Variants in ASCC3 observed in about 807,000 individuals in gnomAD.
ASCC3 encodes the protein activating signal cointegrator 1 complex subunit 3.
A neutral mutation model predicts 256.3 loss-of-function variants in ASCC3; 158 were observed. The ratio of observed to expected loss-of-function variants is 0.62; its 90% CI spans 0.54 to 0.70. ASCC3 has a LOEUF of 0.70. Ranked by LOEUF, ASCC3 falls within the 30% of genes least tolerant of loss-of-function variation. ASCC3 has a pLI of 0.00. For missense variants in ASCC3, 2,259 were observed against 2,626.0 expected (o/e 0.86, Z 3.05); for synonymous variants, 948 against 883.4 (o/e 1.07, Z -1.30).
intron 37 of ASCC3, among the ~76,000 whole-genome samples, chr6:100,528,643 G>GA (rs956668937): frequency 3.3e-5 from 5 of 150,260 alleles, no homozygotes; most frequent in South Asian, 4.2e-4. Context: ...TTCACTAAAA[G>GA]AAAAAAAAAT....
chr6:100,638,879 T>G, intron 24 of ASCC3, 58 bp from the exon 25 acceptor site: 4 of 1,300,412 alleles, frequency 3.1e-6, no homozygotes, highest in Non-Finnish European at 4.5e-6. Flanking sequence ...TAATACTGAA[T>G]ACTGTATTAT....
At chr6:100,692,246 A>G (rs1226011331) in intron 13 of ASCC3, among the ~76,000 whole-genome samples, 3 of 152,002 alleles carry the variant, frequency 2.0e-5, no homozygotes, top group East Asian at 3.9e-4. Context: ...CCAGTTCTCA[A>G]TGCTGTTTTT....
intron 36 of ASCC3, among the ~76,000 whole-genome samples, chr6:100,564,253 G>A (rs1003792933): frequency 6.6e-6 from 1 of 151,490 alleles, no homozygotes; most frequent in Non-Finnish European, 1.5e-5. Context: ...TGAAATATAC[G>A]ATAAATTCTT....
At chr6:100,532,200 A>G (rs1444353701) in intron 37 of ASCC3, among the ~76,000 whole-genome samples, 1 of 151,050 alleles carries the variant, frequency 6.6e-6, no homozygotes, top group Admixed American at 6.6e-5. Context: ...GTGGTTGCCA[A>G]ATATTTACTT....
chr6:100,540,030 G>T, intron 37 of ASCC3, 133 bp downstream of exon 37: 2 of 818,720 alleles, frequency 2.4e-6, no homozygotes, highest in Non-Finnish European at 2.0e-6. Context: ...TTCTTGATAT[G>T]ATCAACCAGT....
At chr6:100,544,876 C>A (rs1342355670) in intron 36 of ASCC3, among the ~76,000 whole-genome samples, 5 of 152,088 alleles carry the variant, frequency 3.3e-5, no homozygotes, top group African/African-American at 4.8e-5. Flanking sequence ...AAGAAAACCA[C>A]AAAATATCTC....
intron 16 of ASCC3, among the ~76,000 whole-genome samples, chr6:100,657,022 TTAATTA>T (rs1357431854): frequency 4.6e-5 from 7 of 151,316 alleles, no homozygotes; most frequent in African/African-American, 1.4e-4. Flanking sequence ...CATTATAATT[TTAATTA>T]TAATTCTGTA....
chr6:100,554,997 TATATC>T (rs1355814761), intron 36 of ASCC3, among the ~76,000 whole-genome samples: 3 of 151,976 alleles, frequency 2.0e-5, no homozygotes, highest in Non-Finnish European at 4.4e-5. Context: ...TTATAAATCA[TATATC>T]ATACCAAACA....
chr6:100,509,526 A>T lies in ASCC3; in HGVS notation c.6469T>A (p.Tyr2157Asn). The T allele has an allele frequency of 6.2e-7, 1 of 1,611,548 alleles. No homozygotes were observed. The highest frequency in any genetic ancestry group is 8.5e-7 in the Non-Finnish European group (1 of 1,177,732). ...YTPEIPGRYI[Y>N]TLYFMSDCYL... Reference sequence around the variant, plus strand: ...CAGTCACTCATGAAATATAATGTGTAGATATACCTAAAATATAAAAATAGA... The same window carrying T: ...CAGTCACTCATGAAATATAATGTGTTGATATACCTAAAATATAAAAATAGA... The change falls in exon 42 of 42, where the codon TAC becomes AAC. Residue 2157 changes from tyrosine to asparagine, a missense_variant. This residue lies in a region of ASCC3 where 1,839 missense variants were observed against 2,206.7 expected (regional missense o/e 0.83). Coordinates refer to ENST00000369162, the MANE Select transcript of ASCC3 (RefSeq NM_006828.4).
intron 37 of ASCC3, among the ~76,000 whole-genome samples, chr6:100,537,134 A>G (rs1775200323): frequency 6.6e-6 from 1 of 152,212 alleles, no homozygotes; most frequent in African/African-American, 2.4e-5. Context: ...ATTACAAAAG[A>G]AAAAGTAACT....
chr6:100,725,224 C>T (rs371188867), intron 11 of ASCC3, among the ~76,000 whole-genome samples: 22 of 151,796 alleles, frequency 1.4e-4, no homozygotes, highest in African/African-American at 4.8e-4. Flanking sequence ...GTACAATCTA[C>T]CAGAAAACAT....
At chr6:100,622,773 T>G (rs1443658337) in intron 30 of ASCC3, among the ~76,000 whole-genome samples, 1 of 151,986 alleles carries the variant, frequency 6.6e-6, no homozygotes, top group South Asian at 2.1e-4. Context: ...GTATATTCTA[T>G]AGTTTCTACC....
intron 10 of ASCC3, among the ~76,000 whole-genome samples, chr6:100,740,113 G>A (rs532771458): frequency 6.6e-6 from 1 of 152,148 alleles, no homozygotes; most frequent in Non-Finnish European, 1.5e-5. Flanking sequence ...CTGTATCCCA[G>A]AGATTCTGGT....
At chr6:100,554,538 A>T (rs186094788) in intron 36 of ASCC3, among the ~76,000 whole-genome samples, 127 of 152,304 alleles carry the variant, frequency 8.3e-4, no homozygotes, top group African/African-American at 2.9e-3. Context: ...CTGTCATGGG[A>T]AAAGTAAAAC....
intron 8 of ASCC3, among the ~76,000 whole-genome samples, chr6:100,789,119 G>GGAAT (rs1389248253): frequency 6.6e-6 from 1 of 151,678 alleles, no homozygotes; most frequent in African/African-American, 2.4e-5. Context: ...AAGGAAGGAA[G>GGAAT]GGAGGACAGG....
chr6:100,733,096 G>A (rs1779984960), intron 10 of ASCC3, among the ~76,000 whole-genome samples: 1 of 152,154 alleles, frequency 6.6e-6, no homozygotes, highest in Non-Finnish European at 1.5e-5. Context: ...CATAATATGT[G>A]ATTATATATA....
chr6:100,815,141 C>A (rs1205951286), intron 4 of ASCC3, among the ~76,000 whole-genome samples: 1 of 151,956 alleles, frequency 6.6e-6, no homozygotes, highest in Admixed American at 6.6e-5. Flanking sequence ...AGCCAAGAGA[C>A]AAATCGGGAA....
intron 36 of ASCC3, among the ~76,000 whole-genome samples, chr6:100,585,423 A>G (rs1771596063): frequency 6.6e-6 from 1 of 152,134 alleles, no homozygotes; most frequent in Admixed American, 6.5e-5. Context: ...CTTGGCTTTC[A>G]GCTCCATCAG....
intron 13 of ASCC3, among the ~76,000 whole-genome samples, chr6:100,683,819 A>G (rs1216157143): frequency 6.6e-6 from 1 of 151,962 alleles, no homozygotes; most frequent in Non-Finnish European, 1.5e-5. Context: ...TACTATTTTT[A>G]GTTTCAAAAG....
Sources: allele counts gnomAD v4.1 joint callset (sites outside exome capture counted in the v4.1 genomes callset), GRCh38; gene constraint gnomAD v4.1.1; regional missense constraint gnomAD v4.1.1; transcripts MANE v1.5; gene names NCBI Gene and HGNC (gene_info 2026-07-23, HGNC 2026-07-21).